The following AGPAT3 variants were observed in gnomAD, a reference collection of about 807,000 sequenced individuals.
AGPAT3 encodes 1-acyl-sn-glycerol-3-phosphate acyltransferase gamma.
AGPAT3 carries 5 observed loss-of-function variants against 47.3 expected under a neutral mutation model. The ratio of observed to expected loss-of-function variants is 0.11; its 90% CI spans 0.06 to 0.22. The LOEUF is 0.22. Ranked by LOEUF, AGPAT3 falls within the 10% of genes least tolerant of loss-of-function variation. The probability of loss-of-function intolerance (pLI) is 1.00; values close to 1 mark genes in which losing one functional copy is unlikely to be tolerated. For synonymous variants in AGPAT3, 212 were observed against 208.3 expected (o/e 1.02, Z -0.15); for missense variants, 315 against 493.0 (o/e 0.64, Z 3.42).
chr21:43,892,242 G>A (rs1175215928), intron 1 of AGPAT3, among the ~76,000 whole-genome samples: 1 of 151,902 alleles, frequency 6.6e-6, no homozygotes, highest in Admixed American at 6.6e-5. Context: ...GGGAGGCGGA[G>A]GTTGCAGCGA....
chr21:43,882,138 T>C (rs2085866816), intron 1 of AGPAT3, among the ~76,000 whole-genome samples: 1 of 152,256 alleles, frequency 6.6e-6, no homozygotes, highest in Non-Finnish European at 1.5e-5. Context: ...CTGGGGGCCC[T>C]GTGCCCAGGG....
Position 43,922,788 on chromosome 21 carries a change from G to A in AGPAT3, c.-49+18769G>A, listed in dbSNP as rs1226724234. ...ACAGGGGCTGTGGCTCAGGAGCCACGTGCCAGGCAGGTCACTCCGTCAGCA... is the reference window on the plus strand; with the variant it reads ...ACAGGGGCTGTGGCTCAGGAGCCACATGCCAGGCAGGTCACTCCGTCAGCA... On this transcript the variant is annotated intron_variant, in intron 2 of 9. Coordinates refer to ENST00000291572, the MANE Select transcript of AGPAT3 (RefSeq NM_020132.5). The surrounding 1 kb of genome is among the most constrained non-coding windows in gnomAD (Gnocchi z 4.9). Among the ~76,000 whole-genome samples, 2 of 152,166 alleles carry A rather than the reference G, an allele frequency of 1.3e-5. No individual in the cohort carries two copies. Among genetic ancestry groups the A allele is most frequent in the East Asian group, 1.9e-4 (1 of 5,178 alleles).
chr21:43,980,349 C>T (rs1321905701), intron 8 of AGPAT3, among the ~76,000 whole-genome samples: 2 of 151,890 alleles, frequency 1.3e-5, no homozygotes, highest in Non-Finnish European at 2.9e-5. Flanking sequence ...ATCCTAGAGT[C>T]CCACGGGCTG....
At chr21:43,959,375 G>GGT (rs1170031659) in intron 2 of AGPAT3, among the ~76,000 whole-genome samples, 1 of 143,194 alleles carries the variant, frequency 7.0e-6, no homozygotes, top group African/African-American at 2.6e-5. Context: ...TGTGGTTTGT[G>GGT]GTGTGTGTGT....
chr21:43,909,386 C>T (rs1228288125), intron 2 of AGPAT3, among the ~76,000 whole-genome samples: 2 of 151,810 alleles, frequency 1.3e-5, no homozygotes, highest in African/African-American at 4.8e-5. Context: ...AGCTCCGTCT[C>T]CCGGGTTCAC....
Position 43,985,005 on chromosome 21 carries a change from C to G in AGPAT3, c.*2613C>G, listed in dbSNP as rs2147000296. The G allele has an allele frequency of 2.3e-6, 1 of 425,676 alleles. No homozygotes were observed. Among genetic ancestry groups the G allele is most frequent in the East Asian group, 7.1e-5 (1 of 14,066 alleles). The allele number at this position is 425,676 out of a possible 1,614,324, so 26.4% of individuals were successfully genotyped here. ...CCGAGGACAGGAAGGGCATTGCTGGCCTGTAGCTCCTGTTACCCACCCAGA... is the reference window on the plus strand; with the variant it reads ...CCGAGGACAGGAAGGGCATTGCTGGGCTGTAGCTCCTGTTACCCACCCAGA... On this transcript the variant is annotated 3_prime_UTR_variant, in exon 10 of 10. Transcript: ENST00000291572.
rs1322289777 is a variant in AGPAT3 at position 43,959,858 on chromosome 21, C to T, written c.177C>T (p.Ser59=). The T allele has an allele frequency of 1.9e-6, 3 of 1,604,606 alleles. No homozygotes were observed. The highest frequency in any genetic ancestry group is 1.6e-4 in the Middle Eastern group (1 of 6,074). The change falls in exon 3 of 10, where the codon AGC becomes AGT. Residue 59 remains serine, a splice_region_variant and synonymous_variant. Coordinates refer to ENST00000291572, the MANE Select transcript of AGPAT3 (RefSeq NM_020132.5). ...GCCGCCTCGCCTACTCACTCTGGAGCCGTGAGTGTCTGCTGGGCCAGTCCC... is the reference window on the plus strand; with the variant it reads ...GCCGCCTCGCCTACTCACTCTGGAGTCGTGAGTGTCTGCTGGGCCAGTCCC... ...LNCRLAYSLW[S]QLVMLLEWWS... is the part of the protein sequence containing the mutation.
chr21:43,902,349 T>C (rs2086376611), intron 1 of AGPAT3, among the ~76,000 whole-genome samples: 1 of 152,256 alleles, frequency 6.6e-6, no homozygotes, highest in Non-Finnish European at 1.5e-5. Context: ...ATCATAGACC[T>C]AAATGTGAAA....
At position 43,880,465 on chromosome 21, in the gene AGPAT3, A is replaced by C. The variant is rs527661042; in HGVS notation, c.-112+15120A>C. Reference sequence around the variant, plus strand: ...CAGGAAGATGGGAAAGGTGCTCTGCAGGTCTCTACTGCCAGGAGCTCAGCT... The same window carrying C: ...CAGGAAGATGGGAAAGGTGCTCTGCCGGTCTCTACTGCCAGGAGCTCAGCT... On this transcript the variant is annotated intron_variant, in intron 1 of 9. Transcript: ENST00000291572. This position sits in a 1 kb window ranked among gnomAD's most constrained non-coding sequence, Gnocchi z 4.5. Among the ~76,000 whole-genome samples the C allele has an allele frequency of 6.6e-6, 1 of 152,240 alleles. No individual in the cohort carries two copies. Among genetic ancestry groups the C allele is most frequent in the Non-Finnish European group, 1.5e-5 (1 of 68,040 alleles).
chr21:43,972,923 C>T (rs1440808241), intron 7 of AGPAT3, among the ~76,000 whole-genome samples: 2 of 152,218 alleles, frequency 1.3e-5, no homozygotes, highest in Non-Finnish European at 2.9e-5. Flanking sequence ...TATGTGTTTC[C>T]ATATTTGCAA....
intron 1 of AGPAT3, among the ~76,000 whole-genome samples, chr21:43,868,344 A>G (rs971663928): frequency 2.0e-5 from 3 of 152,196 alleles, no homozygotes; most frequent in East Asian, 1.9e-4. Flanking sequence ...AAGCAACACA[A>G]CTATCCTTCA....
At chr21:43,940,347 G>A (rs949725550) in intron 2 of AGPAT3, among the ~76,000 whole-genome samples, 1 of 152,240 alleles carries the variant, frequency 6.6e-6, no homozygotes, top group African/African-American at 2.4e-5. Context: ...TGAGGCCGGG[G>A]CCCGGGGGCC....
intron 2 of AGPAT3, among the ~76,000 whole-genome samples, chr21:43,948,587 G>GTGACT (rs1261898777): frequency 6.6e-6 from 1 of 152,334 alleles, no homozygotes; most frequent in East Asian, 1.9e-4. Context: ...GTAACTCACA[G>GTGACT]TGACTTGCAT....
chr21:43,976,067 A>ATT (rs200541813), intron 7 of AGPAT3, among the ~76,000 whole-genome samples: 9 of 146,916 alleles, frequency 6.1e-5, no homozygotes, highest in African/African-American at 2.0e-4. Flanking sequence ...ATAGAAAATG[A>ATT]TTTTTATTTT....
chr21:43,888,029 C>A (rs919384893), intron 1 of AGPAT3, among the ~76,000 whole-genome samples: 1 of 152,156 alleles, frequency 6.6e-6, no homozygotes. Flanking sequence ...GAGAAAACAT[C>A]GTGTTTTAGT....
At chr21:43,980,285 A>C (rs1417130043) in intron 8 of AGPAT3, among the ~76,000 whole-genome samples, 1 of 149,330 alleles carries the variant, frequency 6.7e-6, no homozygotes, top group African/African-American at 2.5e-5. Context: ...CAAAAAAAAA[A>C]AAAAAACAAA....
chr21:43,895,594 A>T (rs8132421), intron 1 of AGPAT3, among the ~76,000 whole-genome samples: 107,600 of 148,978 alleles, frequency 0.72, 39,140 homozygotes, highest in South Asian at 0.83. Flanking sequence ...ATCACTTTTT[A>T]AAAAAAAATT....
At chr21:43,923,345 C>T (rs1438815145) in intron 2 of AGPAT3, among the ~76,000 whole-genome samples, 1 of 152,212 alleles carries the variant, frequency 6.6e-6, no homozygotes, top group African/African-American at 2.4e-5. Flanking sequence ...GTTTAATACT[C>T]GTTAGTTTGT....
intron 2 of AGPAT3, among the ~76,000 whole-genome samples, chr21:43,940,809 G>A (rs1352711428): frequency 6.6e-6 from 1 of 152,232 alleles, no homozygotes; most frequent in South Asian, 2.1e-4. Context: ...GATCGCAGGC[G>A]ATTTCCCAGC....
Sources: gnomAD v4.1 joint callset for allele counts (sites outside exome capture counted in the v4.1 genomes callset) on GRCh38, gnomAD v4.1.1 for gene constraint, Gnocchi (gnomAD v3.1) non-coding constraint, MANE v1.5 for transcripts, NCBI Gene and HGNC (gene_info 2026-07-23, HGNC 2026-07-21) for gene names.